Variants in DPP6 observed in about 807,000 individuals in gnomAD.
The protein encoded by DPP6 is dipeptidyl peptidase like 6.
DPP6 carries 69 observed loss-of-function variants against 122.6 expected under a neutral mutation model. That is an observed-to-expected ratio of 0.56 (90% CI 0.46 to 0.69). The LOEUF (loss-of-function observed/expected upper bound fraction) is 0.69, where lower values mean the gene tolerates loss of function less well. Among genes scored for constraint, DPP6 ranks in the 30% least tolerant of loss-of-function variants. The probability of loss-of-function intolerance (pLI) is 0.00; values close to 1 mark genes in which losing one functional copy is unlikely to be tolerated. For synonymous variants in DPP6, 418 were observed against 433.1 expected, an observed-to-expected ratio of 0.97 and a Z score of 0.43; for missense variants, 928 against 1,116.9, an observed-to-expected ratio of 0.83 and a Z score of 2.41.
intron 1 of DPP6, among the ~76,000 whole-genome samples, chr7:154,261,929 A>T (rs1254226764): frequency 6.6e-6 from 1 of 152,060 alleles, no homozygotes. Flanking sequence ...AAAACTGGAA[A>T]CACAAAGAGG....
In DPP6 at chr7:154,061,742, CT is replaced by C. The variant is rs1175960287; in HGVS notation, c.243+8682del. On this transcript the variant is annotated intron_variant, in intron 1 of 25. Coordinates refer to ENST00000377770, the MANE Select transcript of DPP6 (RefSeq NM_130797.4). ...CGAGGCGGGGACTGCGAACCTCCCC[CT>C]TTCCTCCCCTGGCTCTTTGCACCCC... 1.2e-3 allele frequency among the ~76,000 whole-genome samples: 98 copies of C among 81,144 alleles called. 4 individuals carry two copies. The highest frequency in any genetic ancestry group is 4.6e-3 in the African/African-American group (95 of 20,528). The allele number at this position is 81,144 out of a possible 152,430, so 53.2% of individuals were successfully genotyped here.
intron 1 of DPP6, among the ~76,000 whole-genome samples, chr7:154,306,499 T>C (rs1401686556): frequency 1.3e-5 from 2 of 152,218 alleles, no homozygotes; most frequent in African/African-American, 4.8e-5. Context: ...AGGGTTGCTG[T>C]TGGATCTCAT....
chr7:154,051,381 C>T (rs555312276), upstream of DPP6, among the ~76,000 whole-genome samples: 234 of 148,690 alleles, frequency 1.6e-3, 13 homozygotes, highest in South Asian at 0.046. Flanking sequence ...ACGAGAGAGA[C>T]GCGTGCCCAG....
upstream of DPP6, among the ~76,000 whole-genome samples, chr7:154,050,006 C>G (rs1800218193): frequency 6.6e-6 from 1 of 152,138 alleles, no homozygotes. Flanking sequence ...GAGGAACATC[C>G]TCGTGTTCAT....
At chr7:154,887,772 G>C (rs1806284292) in intron 23 of DPP6, 38 bp downstream of exon 23, 1 of 1,610,932 alleles carries the variant, frequency 6.2e-7, no homozygotes, top group Admixed American at 1.7e-5. Flanking sequence ...GATGAGACCA[G>C]TCAGCCTCTG....
chr7:154,718,551 AC>A (rs200171200), intron 7 of DPP6, among the ~76,000 whole-genome samples: 6 of 129,420 alleles, frequency 4.6e-5, no homozygotes, highest in East Asian at 2.2e-4. Context: ...CTACTCCCAC[AC>A]CCCCCCCAAC....
chr7:154,679,567 G>A (rs1223237204), intron 7 of DPP6, among the ~76,000 whole-genome samples: 1 of 152,212 alleles, frequency 6.6e-6, no homozygotes, highest in African/African-American at 2.4e-5. Context: ...CATGGCTGTA[G>A]CAAAGGGGGC....
At chr7:154,104,097 C>T (rs189767509) in intron 1 of DPP6, among the ~76,000 whole-genome samples, 27 of 152,346 alleles carry the variant, frequency 1.8e-4, no homozygotes, top group East Asian at 9.6e-4. Context: ...CTGACCAATA[C>T]GGTTGCCCAC....
At chr7:154,260,891 A>G (rs1393755900) in intron 1 of DPP6, among the ~76,000 whole-genome samples, 1 of 151,160 alleles carries the variant, frequency 6.6e-6, no homozygotes, top group Non-Finnish European at 1.5e-5. Flanking sequence ...CTTTTGGTGT[A>G]TTTTGTTGTT....
intron 1 of DPP6, among the ~76,000 whole-genome samples, chr7:154,442,144 A>G (rs1378693858): frequency 2.0e-5 from 3 of 152,162 alleles, no homozygotes; most frequent in African/African-American, 4.8e-5. Context: ...GCATTTATCC[A>G]TCCATTCATC....
At chr7:153,886,537 G>A (rs1282773008), upstream of DPP6, among the ~76,000 whole-genome samples, 1 of 152,190 alleles carries the variant, frequency 6.6e-6, no homozygotes, top group Admixed American at 6.5e-5. Context: ...GCCGAGGGAC[G>A]CGGCTGGGGC....
At chr7:153,997,594 C>CACAT (rs1491412217) in intron 1 of DPP6, among the ~76,000 whole-genome samples, 1 of 1,300 alleles carries the variant, frequency 7.7e-4, no homozygotes, top group Admixed American at 6.0e-3. Context: ...GAGTGCACAG[C>CACAT]ACACACACAC....
intron 16 of DPP6, among the ~76,000 whole-genome samples, chr7:154,841,909 T>G (rs1307346503): frequency 6.6e-6 from 1 of 152,152 alleles, no homozygotes; most frequent in Non-Finnish European, 1.5e-5. Context: ...CCAGGTTTGA[T>G]GTCAGCGATA....
At chr7:153,878,825 GTATT>G in the DPP6 span, among the ~76,000 whole-genome samples, 1 of 152,000 alleles carries the variant, frequency 6.6e-6, no homozygotes, top group African/African-American at 2.4e-5. Flanking sequence ...GAAGAGGAGA[GTATT>G]TAAGGTAAAG....
chr7:154,615,916 G>C (rs933332450), intron 5 of DPP6, among the ~76,000 whole-genome samples: 8 of 152,198 alleles, frequency 5.3e-5, no homozygotes, highest in African/African-American at 1.9e-4. Flanking sequence ...GCCCTGGTAA[G>C]TCTCCCTCTG....
At chr7:154,557,419 C>G (rs1830124460) in intron 4 of DPP6, among the ~76,000 whole-genome samples, 1 of 152,190 alleles carries the variant, frequency 6.6e-6, no homozygotes, top group Admixed American at 6.5e-5. Flanking sequence ...TATTGCGTAT[C>G]AGCCCCACTG....
chr7:153,816,825 A>G, the DPP6 span, among the ~76,000 whole-genome samples: 1 of 151,924 alleles, frequency 6.6e-6, no homozygotes, highest in South Asian at 2.1e-4. Flanking sequence ...ATTTGACACT[A>G]AGAGGGTGAT....
chr7:154,326,732 C>A (rs898504521), intron 1 of DPP6, among the ~76,000 whole-genome samples: 16 of 152,318 alleles, frequency 1.1e-4, no homozygotes, highest in African/African-American at 3.8e-4. Context: ...TTGGTTTCCC[C>A]ATAATAATTT....
intron 1 of DPP6, among the ~76,000 whole-genome samples, chr7:154,351,838 G>A (rs1461838080): frequency 1.3e-5 from 2 of 152,164 alleles, no homozygotes; most frequent in Admixed American, 1.3e-4. Context: ...CTGAGCACCG[G>A]CTTGTCTCAA....
Sources: gnomAD v4.1 joint callset for allele counts (sites outside exome capture counted in the v4.1 genomes callset) on GRCh38, gnomAD v4.1.1 for gene constraint, MANE v1.5 for transcripts, NCBI Gene and HGNC (gene_info 2026-07-23, HGNC 2026-07-21) for gene names.